MYO5B: variants seen among roughly 807,000 people sequenced by gnomAD.
MYO5B encodes myosin VB, also known as unconventional myosin-Vb.
MYO5B carries 143 observed loss-of-function variants against 229.3 expected under a neutral mutation model. That is an observed-to-expected ratio of 0.62 (90% CI 0.54 to 0.72). The LOEUF (loss-of-function observed/expected upper bound fraction) is 0.72. MYO5B is among the 30% of genes least tolerant of loss of function. The probability of loss-of-function intolerance (pLI) is 0.00; values close to 1 mark genes in which losing one functional copy is unlikely to be tolerated. For missense variants in MYO5B, 2,321 were observed against 2,331.0 expected, an observed-to-expected ratio of 1.00 and a Z score of 0.09; for synonymous variants, 918 against 885.2, an observed-to-expected ratio of 1.04 and a Z score of -0.66.
At chr18:50,128,442 C>G (rs2032201641) in intron 1 of MYO5B, among the ~76,000 whole-genome samples, 3 of 152,142 alleles carry the variant, frequency 2.0e-5, no homozygotes. Context: ...CACACAAAAG[C>G]AGAGTTTAGG....
At position 49,954,399 on chromosome 18, in the gene MYO5B, G is replaced by T. The variant is rs1369547753; in HGVS notation, c.1582C>A (p.Leu528Ile). ...KGTDQNWAQK[L>I]YDRHSSSQHF... is the part of the protein sequence containing the mutation. The stretch of plus-strand genomic sequence containing the variant: ...TGGCTGCTGGAGTGCCGGTCATAGA[G>T]CTTCTGAGCCCAGTTCTGGTCAGTT... Residue 528 changes from leucine (L) to isoleucine (I), a missense_variant, in exon 13 of 40, where the codon CTC becomes ATC. Physicochemically the swap from Leu to Ile is conservative, Grantham distance 5. Coordinates refer to ENST00000285039, the MANE Select transcript of MYO5B (RefSeq NM_001080467.3). 1 of 1,614,036 alleles carries T rather than the reference G, an allele frequency of 6.2e-7. No homozygotes were observed. Among genetic ancestry groups the T allele is most frequent in the South Asian group, 1.1e-5 (1 of 91,074 alleles).
intron 9 of MYO5B, among the ~76,000 whole-genome samples, chr18:49,979,666 C>T (rs1189797811): frequency 6.6e-6 from 1 of 152,176 alleles, no homozygotes; most frequent in African/African-American, 2.4e-5. Context: ...ATTCCAAGTC[C>T]CTGGAAGCAA....
In MYO5B at chr18:49,877,541, T is replaced by C. The variant is rs4939906; in HGVS notation, c.3396+222A>G. On this transcript the variant is annotated intron_variant, in intron 25 of 39. Coordinates refer to ENST00000285039, the MANE Select transcript of MYO5B (RefSeq NM_001080467.3). ...CTTCTTCTTTCCTTTCTGGATAGGG[T>C]GTAAGGTGAACAATAATGTATTGCT... Among the ~76,000 whole-genome samples, 36,581 of 152,050 alleles carry C rather than the reference T, an allele frequency of 0.24. 4,539 individuals are homozygous for C. The highest frequency in any genetic ancestry group is 0.42 in the East Asian group (2,172 of 5,178).
At chr18:49,906,018 G>A (rs908327209) in intron 19 of MYO5B, among the ~76,000 whole-genome samples, 3 of 152,164 alleles carry the variant, frequency 2.0e-5, no homozygotes, top group Non-Finnish European at 2.9e-5. Flanking sequence ...ACCTGACTCC[G>A]AGGCATTATG....
At chr18:49,867,559 T>C (rs556659404) in intron 27 of MYO5B, among the ~76,000 whole-genome samples, 1 of 152,254 alleles carries the variant, frequency 6.6e-6, no homozygotes, top group Non-Finnish European at 1.5e-5. Flanking sequence ...AGCTGGACAT[T>C]GGACTGGGCA....
intron 2 of MYO5B, among the ~76,000 whole-genome samples, chr18:50,043,589 T>A (rs2030128307): frequency 7.7e-6 from 1 of 130,356 alleles, no homozygotes. Flanking sequence ...TAAAAATATA[T>A]TTATAAGTAT....
chr18:50,176,644 A>G (rs1444849119), intron 1 of MYO5B, among the ~76,000 whole-genome samples: 1 of 152,190 alleles, frequency 6.6e-6, no homozygotes, highest in African/African-American at 2.4e-5. Flanking sequence ...AAGAGCCACC[A>G]CTCAGAGTTC....
At chr18:49,929,093 T>G (rs2025160556) in intron 17 of MYO5B, among the ~76,000 whole-genome samples, 1 of 152,110 alleles carries the variant, frequency 6.6e-6, no homozygotes, top group South Asian at 2.1e-4. Context: ...CAAACACCAC[T>G]TGTTCCCCCA....
chr18:50,028,339 A>G (rs778541274), intron 4 of MYO5B, among the ~76,000 whole-genome samples: 1 of 152,238 alleles, frequency 6.6e-6, no homozygotes, highest in Non-Finnish European at 1.5e-5. Flanking sequence ...TTCAGGCTCC[A>G]TTAGAAATTC....
At chr18:49,928,372 G>C (rs2025152922) in intron 17 of MYO5B, among the ~76,000 whole-genome samples, 1 of 152,222 alleles carries the variant, frequency 6.6e-6, no homozygotes, top group South Asian at 2.1e-4. Context: ...GGCCAGGCAT[G>C]GTGGCTCACG....
chr18:49,878,972 G>T lies in MYO5B; in HGVS notation c.3249C>A (p.Asn1083Lys), dbSNP rs959264569. Residue 1083 changes from asparagine (N) to lysine (K), a missense_variant, in exon 24 of 40, where the codon AAC becomes AAA. Transcript: ENST00000285039. ...EYSQLEQRYD[N>K]LRDEMTIIKQ... The stretch of plus-strand genomic sequence containing the variant: ...TTATGATGGTCATTTCATCCCGAAG[G>T]TTGTCGTATCTCTGCTCCAACTGTG... 1.7e-5 allele frequency: 28 copies of T among 1,614,028 alleles called. No individual in the cohort carries two copies. Among genetic ancestry groups the T allele is most frequent in the Non-Finnish European group, 2.2e-5 (26 of 1,180,032 alleles).
intron 17 of MYO5B, among the ~76,000 whole-genome samples, chr18:49,925,857 G>A (rs116803557): frequency 0.011 from 1,728 of 152,292 alleles, 38 homozygotes; most frequent in African/African-American, 0.04. Flanking sequence ...CAGACTAGTG[G>A]TTTGAACTCA....
At chr18:49,838,504 G>A (rs905622392) in intron 36 of MYO5B, among the ~76,000 whole-genome samples, 2 of 152,196 alleles carry the variant, frequency 1.3e-5, no homozygotes, top group African/African-American at 4.8e-5. Flanking sequence ...TGTATTTCTA[G>A]ATTGGTCCTT....
At chr18:50,045,991 T>C (rs2030214404) in intron 2 of MYO5B, among the ~76,000 whole-genome samples, 4 of 152,230 alleles carry the variant, frequency 2.6e-5, no homozygotes, top group Admixed American at 1.3e-4. Context: ...AAAAACATGT[T>C]TGAATGACAC....
intron 4 of MYO5B, among the ~76,000 whole-genome samples, chr18:50,035,466 T>C (rs1383470720): frequency 2.0e-5 from 3 of 151,368 alleles, no homozygotes; most frequent in Non-Finnish European, 4.4e-5. Context: ...CTCAGGTGAA[T>C]TGATTCTTCC....
At chr18:49,960,212 C>G (rs1357293850) in intron 12 of MYO5B, among the ~76,000 whole-genome samples, 3 of 152,168 alleles carry the variant, frequency 2.0e-5, no homozygotes, top group Non-Finnish European at 4.4e-5. Context: ...ACCATGAGTC[C>G]AATCCTTCAT....
intron 1 of MYO5B, among the ~76,000 whole-genome samples, chr18:50,111,397 G>T (rs1328993215): frequency 6.6e-6 from 1 of 152,254 alleles, no homozygotes; most frequent in Non-Finnish European, 1.5e-5. Flanking sequence ...CAGATTGAAA[G>T]ATACACACCC....
chr18:50,050,904 C>A (rs2144409768), intron 2 of MYO5B, among the ~76,000 whole-genome samples: 1 of 152,320 alleles, frequency 6.6e-6, no homozygotes, highest in South Asian at 2.1e-4. Context: ...TCCAATTAGG[C>A]CAAGCATCCA....
At chr18:49,870,924 T>C (rs1217625) in intron 27 of MYO5B, among the ~76,000 whole-genome samples, 112,998 of 152,068 alleles carry the variant, frequency 0.74, 42,132 homozygotes, top group Admixed American at 0.84. Flanking sequence ...GCCACATGAT[T>C]CAGCAACTCC....
Sources: allele counts gnomAD v4.1 joint callset (sites outside exome capture counted in the v4.1 genomes callset), GRCh38; gene constraint gnomAD v4.1.1; transcripts MANE v1.5; gene names NCBI Gene and HGNC (gene_info 2026-07-23, HGNC 2026-07-21).